Variants in ZC3H15 observed in about 807,000 individuals in gnomAD.
ZC3H15 encodes the protein zinc finger CCCH-type containing 15, also known as zinc finger CCCH domain-containing protein 15.
A neutral mutation model predicts 51.2 loss-of-function variants in ZC3H15; 15 were observed. That is an observed-to-expected ratio of 0.29 (90% confidence interval 0.20 to 0.45). The LOEUF (loss-of-function observed/expected upper bound fraction) is 0.45, where lower values mean the gene tolerates loss of function less well. Ranked by LOEUF, ZC3H15 falls within the 20% of genes least tolerant of loss-of-function variation. The probability of loss-of-function intolerance (pLI) is 1.00; values close to 1 mark genes in which losing one functional copy is unlikely to be tolerated. For missense variants in ZC3H15, 381 were observed against 494.7 expected (o/e 0.77, Z 2.18); for synonymous variants, 144 against 162.8 (o/e 0.88, Z 0.88).
intron 7 of ZC3H15, 52 bp from the exon 8 acceptor site, chr2:186,505,688 A>G: frequency 6.2e-7 from 1 of 1,606,888 alleles, no homozygotes; most frequent in East Asian, 2.2e-5. Flanking sequence ...CATCAGTGAC[A>G]AGGAATGTTT....
chr2:186,492,502 C>T (rs1036515398), intron 1 of ZC3H15, among the ~76,000 whole-genome samples: 7 of 152,234 alleles, frequency 4.6e-5, no homozygotes, highest in Non-Finnish European at 1.0e-4. Context: ...GATGTTAAAT[C>T]ATGAAACAAG....
intron 2 of ZC3H15, 100 bp from the exon 3 acceptor site, chr2:186,500,082 C>G: frequency 1.0e-6 from 1 of 953,288 alleles, no homozygotes; most frequent in Non-Finnish European, 1.6e-6. Context: ...AAGGTAAGGA[C>G]TGTAAATATG....
intron 1 of ZC3H15, among the ~76,000 whole-genome samples, chr2:186,492,588 G>A (rs772693361): frequency 1.4e-4 from 21 of 152,158 alleles, no homozygotes; most frequent in Non-Finnish European, 2.5e-4. Flanking sequence ...CCCAATGAGA[G>A]ATAACCATTT....
intron 1 of ZC3H15, chr2:186,487,176 A>G (rs1685111353): frequency 1.3e-5 from 2 of 152,266 alleles, no homozygotes; most frequent in Admixed American, 6.5e-5. Context: ...GTGTGTGTAT[A>G]TGTGTATATA....
At chr2:186,506,009 CATA>C in intron 8 of ZC3H15, 168 bp downstream of exon 8, 1 of 719,816 alleles carries the variant, frequency 1.4e-6, no homozygotes, top group South Asian at 1.5e-5. Flanking sequence ...CTAATATGGA[CATA>C]ATGATTATCT....
rs866805958 is a variant in ZC3H15 at position 186,486,279 on chromosome 2, G to T, written c.-104G>T. 6 of 1,260,172 alleles carry T rather than the reference G, an allele frequency of 4.8e-6. No individual in the cohort carries two copies. In the South Asian group the frequency reaches 7.4e-5, roughly 15 times the overall value. The allele number at this position is 1,260,172 out of a possible 1,614,324, so 78.1% of individuals were successfully genotyped here. ...ATGAGCGACTCGCTTTCCGTGCGGT[G>T]CGGCGAGTGAGGCCCCGGTCTTCCT... On this transcript the variant is annotated 5_prime_UTR_variant, in exon 1 of 10. Transcript: ENST00000337859.
At chr2:186,502,153 C>T (rs1182712282) in intron 4 of ZC3H15, among the ~76,000 whole-genome samples, 3 of 151,864 alleles carry the variant, frequency 2.0e-5, no homozygotes, top group Non-Finnish European at 4.4e-5. Context: ...AGTTCAAGAC[C>T]AGCATAGGCA....
At chr2:186,498,352 AG>A (rs142378337) in intron 2 of ZC3H15, among the ~76,000 whole-genome samples, 1,877 of 152,314 alleles carry the variant, frequency 0.012, 38 homozygotes, top group African/African-American at 0.043. Flanking sequence ...CTGTCCTTCC[AG>A]GTCATAAGGT....
In ZC3H15 at chr2:186,502,458, A is replaced by C. The variant is rs920420916; in HGVS notation, c.443-38A>C. On this transcript the variant is annotated intron_variant, in intron 4 of 9. Transcript: ENST00000337859. ...GAGATATGTGTTGTGGGAGTAGTAG[A>C]TAAGATTACAGTATTTAATCTTCAT... 13 of 1,501,552 alleles carry C rather than the reference A, an allele frequency of 8.7e-6. No individual in the cohort carries two copies. The African/African-American group carries it at 1.1e-4, about 13-fold the overall frequency. 93.0% of individuals were successfully genotyped at this position (1,501,552 alleles called of 1,614,324 possible).
intron 4 of ZC3H15, among the ~76,000 whole-genome samples, 159 bp downstream of exon 4, chr2:186,501,584 A>G (rs893627781): frequency 2.0e-5 from 3 of 152,246 alleles, no homozygotes; most frequent in Non-Finnish European, 2.9e-5. Flanking sequence ...GAAAATTACC[A>G]TAATATGCCC....
At position 186,495,561 on chromosome 2, in the gene ZC3H15, T is replaced by C. The variant is rs1157672941; in HGVS notation, c.177+227T>C. Among the ~76,000 whole-genome samples, 3 of 152,230 alleles carry C rather than the reference T, an allele frequency of 2.0e-5. No homozygotes were observed. In the East Asian group the frequency reaches 5.8e-4, roughly 29 times the overall value. ...ATAATGATTGCATGCCGTTCTACAG[T>C]ACAGGTGTGTTATATTCATCTATTT... On this transcript the variant is annotated intron_variant, in intron 2 of 9. Coordinates refer to ENST00000337859, the MANE Select transcript of ZC3H15 (RefSeq NM_018471.3).
At chr2:186,499,801 A>T in intron 2 of ZC3H15, 1 of 338,888 alleles carries the variant, frequency 3.0e-6, no homozygotes, top group Non-Finnish European at 5.7e-6. Flanking sequence ...ATAATTCATT[A>T]TCATGTGGGA....
chr2:186,503,622 C>G (rs575659010), intron 5 of ZC3H15, among the ~76,000 whole-genome samples: 2 of 152,294 alleles, frequency 1.3e-5, no homozygotes, highest in East Asian at 3.9e-4. Context: ...AGCAGGTGAT[C>G]CGCCCGCCTC....
chr2:186,494,344 G>C (rs1239450126), intron 1 of ZC3H15, among the ~76,000 whole-genome samples: 2 of 152,024 alleles, frequency 1.3e-5, no homozygotes, highest in African/African-American at 2.4e-5. Context: ...AATTGTTTTT[G>C]AGAGGATAAC....
intron 9 of ZC3H15, chr2:186,507,441 T>A: frequency 2.2e-6 from 1 of 456,648 alleles, no homozygotes; most frequent in South Asian, 1.5e-5. Context: ...ATGGAAAACC[T>A]AAATGTATCT....
At chr2:186,491,145 T>A (rs900001794) in intron 1 of ZC3H15, among the ~76,000 whole-genome samples, 2 of 152,136 alleles carry the variant, frequency 1.3e-5, no homozygotes, top group African/African-American at 4.8e-5. Context: ...TTTAGAAAGG[T>A]TATTGCGCAC....
At position 186,508,658 on chromosome 2, in the gene ZC3H15, T is replaced by A. The variant is rs769259464; in HGVS notation, c.1206T>A (p.Val402=). ...TENGAIDAVP[V]DENLFTGEDL... ...ATGGAGCCATTGATGCTGTTCCTGT[T>A]GATGAAAATCTTTTCACTGGAGAGG... The change falls in exon 10 of 10, where the codon GTT becomes GTA. Residue 402 remains valine, a synonymous_variant. Coordinates refer to ENST00000337859, the MANE Select transcript of ZC3H15 (RefSeq NM_018471.3). 5 of 1,613,996 alleles carry A rather than the reference T, an allele frequency of 3.1e-6. No individual in the cohort carries two copies. The Admixed American group carries it at 8.3e-5, about 27-fold the overall frequency.
intron 1 of ZC3H15, among the ~76,000 whole-genome samples, chr2:186,495,030 T>C (rs1211621420): frequency 6.6e-6 from 1 of 152,080 alleles, no homozygotes; most frequent in African/African-American, 2.4e-5. Flanking sequence ...TTAATGATGA[T>C]AATGTTGAGT....
At chr2:186,488,139 T>C (rs941835762) in intron 1 of ZC3H15, among the ~76,000 whole-genome samples, 5 of 152,238 alleles carry the variant, frequency 3.3e-5, no homozygotes, top group Non-Finnish European at 4.4e-5. Context: ...GATTTTGTGT[T>C]TTCTACATTT....
Sources: allele counts gnomAD v4.1 joint callset (sites outside exome capture counted in the v4.1 genomes callset), GRCh38; gene constraint gnomAD v4.1.1; transcripts MANE v1.5; gene names NCBI Gene and HGNC (gene_info 2026-07-23, HGNC 2026-07-21).